The following RGR variants were observed in gnomAD, a reference collection of about 807,000 sequenced individuals.
RGR encodes RPE-retinal G protein-coupled receptor.
In RGR, 30 loss-of-function variants were observed where a neutral mutation model predicts 28.6. The observed-to-expected ratio is 1.05, with a 90% CI of 0.78 to 1.42. The LOEUF (loss-of-function observed/expected upper bound fraction) is 1.42. Ranked by LOEUF, RGR falls within the 40% of genes most tolerant of loss-of-function variation. RGR has a pLI of 0.00. For synonymous variants in RGR, 180 were observed against 156.4 expected (o/e 1.15, Z -1.13); for missense variants, 404 against 375.6 (o/e 1.08, Z -0.62).
At chr10:84,250,523 C>T (rs1589331767) in intron 3 of RGR, 2 of 360,244 alleles carry the variant, frequency 5.6e-6, no homozygotes, top group Admixed American at 3.9e-5. Context: ...CTTATACACA[C>T]ACACACACAC....
intron 3 of RGR, among the ~76,000 whole-genome samples, 180 bp from the exon 4 acceptor site, chr10:84,252,677 A>G (rs1842833432): frequency 6.6e-6 from 1 of 152,152 alleles, no homozygotes; most frequent in Non-Finnish European, 1.5e-5. Flanking sequence ...TAACACAGGG[A>G]TAAGAAAACC....
At chr10:84,256,382 G>A (rs549590248) in intron 5 of RGR, among the ~76,000 whole-genome samples, 4 of 151,850 alleles carry the variant, frequency 2.6e-5, no homozygotes, top group Admixed American at 6.6e-5. Flanking sequence ...CCTGTGTCGC[G>A]GACTAAAAAA....
At chr10:84,258,348 G>A (rs1176684752) in intron 6 of RGR, among the ~76,000 whole-genome samples, 160 bp from the exon 7 acceptor site, 4 of 152,162 alleles carry the variant, frequency 2.6e-5, no homozygotes, top group South Asian at 4.1e-4. Flanking sequence ...CATGGACTCC[G>A]TGAGCCATGC....
At chr10:84,251,184 G>A (rs1419060938) in intron 3 of RGR, among the ~76,000 whole-genome samples, 6 of 152,046 alleles carry the variant, frequency 3.9e-5, no homozygotes, top group African/African-American at 1.2e-4. Context: ...GCAGTGAGCC[G>A]AGATCACGCC....
chr10:84,245,550 G>C (rs926800038), intron 1 of RGR, among the ~76,000 whole-genome samples: 4 of 152,152 alleles, frequency 2.6e-5, no homozygotes, highest in Non-Finnish European at 1.5e-5. Context: ...CCCCCAAAAG[G>C]CTCTGGGGAC....
chr10:84,250,645 C>T, intron 3 of RGR: 1 of 580,386 alleles, frequency 1.7e-6, no homozygotes, highest in Non-Finnish European at 3.1e-6. Context: ...CCTTTCTATA[C>T]TGAGAGCATG....
rs1358313701 is a variant in RGR, at chr10:84,259,065, T to C, written c.*426T>C. ...CCTTCTGAGTCTCCAATGTCTATTA[T>C]TCCACACTCCATGTCCACGTGTACA... On this transcript the variant is annotated 3_prime_UTR_variant, in exon 7 of 7. Transcript: ENST00000652092. The C allele has an allele frequency of 3.3e-5, 9 of 269,272 alleles. No individual in the cohort carries two copies. In the Admixed American group the frequency reaches 4.3e-4, roughly 13 times the overall value. The allele number at this position is 269,272 out of a possible 1,614,324, so 16.7% of individuals were successfully genotyped here. A position where few individuals can be genotyped will look rare whatever the true frequency, so the allele number is the denominator to read the frequency against.
chr10:84,248,146 C>A, intron 2 of RGR: 1 of 912,398 alleles, frequency 1.1e-6, no homozygotes, highest in Non-Finnish European at 1.5e-6. Flanking sequence ...TGCTTGATAC[C>A]TAGGACTCTA....
rs777356666 is a variant in RGR at position 84,254,354 on chromosome 10, TCCTTCTTCAACTTCGCCATGC to T, written c.544_564del (p.Phe182_Pro188del). 3 of 1,614,040 alleles carry T rather than the reference TCCTTCTTCAACTTCGCCATGC, an allele frequency of 1.9e-6. No homozygotes were observed. The highest frequency in any genetic ancestry group is 1.7e-6 in the Non-Finnish European group (2 of 1,180,012). On this transcript the variant is annotated inframe_deletion, in exon 5 of 7. Transcript: ENST00000652092. ...CTTCACCAGCTTCCTCTTCACCATG[TCCTTCTTCAACTTCGCCATGC>T]CCCTCTTCATCACGATCACTTCCTA...
In RGR at chr10:84,258,009, A is replaced by G. The variant is rs986062359; in HGVS notation, c.744+3A>G. 3.1e-6 allele frequency: 5 copies of G among 1,611,678 alleles called. No homozygotes were observed. Among genetic ancestry groups the G allele is most frequent in the Non-Finnish European group, 3.4e-6 (4 of 1,177,910 alleles). On this transcript the variant is annotated splice_donor_region_variant and intron_variant, in intron 6 of 6. Transcript: ENST00000652092. ...CCATCTCCCCCAAACTGCAGATGGT[A>G]CAGATACTTCTAGTACCTAAAACTA...
At position 84,250,554 on chromosome 10, in the gene RGR, A is replaced by ACACACACACACC. The variant is rs1491056369; in HGVS notation, c.358+1512_358+1513insACACACACACCC. 12 of 603,040 alleles carry ACACACACACACC rather than the reference A, an allele frequency of 2.0e-5. No homozygotes were observed. In the East Asian group the frequency reaches 3.4e-4, roughly 17 times the overall value. 37.4% of individuals were successfully genotyped at this position (603,040 alleles called of 1,614,324 possible). On this transcript the variant is annotated intron_variant, in intron 3 of 6. Coordinates refer to ENST00000652092, the MANE Select transcript of RGR (RefSeq NM_001012720.2). Reference sequence around the variant, plus strand: ...CACACACACACACACACACACACACACCACCTTCTCAGATAGCAACAGGCT... The same window carrying ACACACACACACC: ...CACACACACACACACACACACACACACACACACACACCCCACCTTCTCAGATAGCAACAGGCT...
intron 3 of RGR, among the ~76,000 whole-genome samples, chr10:84,252,462 A>G (rs1278009083): frequency 6.6e-6 from 1 of 152,166 alleles, no homozygotes; most frequent in African/African-American, 2.4e-5. Flanking sequence ...GTCTATTTGG[A>G]GACCTTCACC....
Position 84,253,046 on chromosome 10 carries a change from A to G in RGR, c.512+36A>G, listed in dbSNP as rs765805515. 4 of 1,606,052 alleles carry G rather than the reference A, an allele frequency of 2.5e-6. No homozygotes were observed. In the African/African-American group the frequency reaches 5.4e-5, roughly 21 times the overall value. ...AGGAGCAGCTTCGAGGCTCCTATCC[A>G]TGGGAATCTTGGCTTTGAACTCCTA... On this transcript the variant is annotated intron_variant, in intron 4 of 6. Transcript: ENST00000652092.
intron 1 of RGR, 65 bp from the exon 2 acceptor site, chr10:84,247,526 A>C (rs1210492155): frequency 6.3e-7 from 1 of 1,592,108 alleles, no homozygotes; most frequent in Non-Finnish European, 8.6e-7. Context: ...TCCACCCCAC[A>C]CACACTGTTC....
chr10:84,249,698 C>T (rs529880917), intron 3 of RGR, among the ~76,000 whole-genome samples: 70 of 152,298 alleles, frequency 4.6e-4, no homozygotes, highest in Admixed American at 1.4e-3. Context: ...ACAGGCACTA[C>T]TCTGCAGACA....
intron 3 of RGR, chr10:84,250,321 T>C (rs1842799279): frequency 1.4e-6 from 1 of 716,922 alleles, no homozygotes; most frequent in African/African-American, 1.7e-5. Flanking sequence ...GTCACATGTA[T>C]AGCCCCCTTC....
chr10:84,256,176 C>T (rs1056648661), intron 5 of RGR, among the ~76,000 whole-genome samples: 3 of 142,056 alleles, frequency 2.1e-5, no homozygotes, highest in Non-Finnish European at 4.5e-5. Flanking sequence ...TCAAGCGATT[C>T]TCCTGCCTCA....
intron 4 of RGR, among the ~76,000 whole-genome samples, chr10:84,253,338 C>CA (rs1842843154): frequency 6.6e-6 from 1 of 152,182 alleles, no homozygotes; most frequent in South Asian, 2.1e-4. Context: ...TCAGCACAGT[C>CA]GACCATCATG....
chr10:84,254,418 A>C lies in RGR; in HGVS notation c.605A>C (p.Lys202Thr), dbSNP rs1213787158. 1 of 1,614,152 alleles carries C rather than the reference A, an allele frequency of 6.2e-7. No individual in the cohort carries two copies. Among genetic ancestry groups the C allele is most frequent in the Admixed American group, 1.7e-5 (1 of 60,020 alleles). Reference sequence around the variant, plus strand: ...ACTTCCTACAGTCTCATGGAGCAGAAACTGGGGAAGAGTGGCCATCTCCAG... The same window carrying C: ...ACTTCCTACAGTCTCATGGAGCAGACACTGGGGAAGAGTGGCCATCTCCAG... ...TITSYSLMEQ[K>T]LGKSGHLQVN... The change falls in exon 5 of 7, where the codon AAA becomes ACA. Residue 202 changes from lysine (K) to threonine (T), a missense_variant. Coordinates refer to ENST00000652092, the MANE Select transcript of RGR (RefSeq NM_001012720.2).
Sources: gnomAD v4.1 joint callset for allele counts (sites outside exome capture counted in the v4.1 genomes callset) on GRCh38, gnomAD v4.1.1 for gene constraint, MANE v1.5 for transcripts, NCBI Gene and HGNC (gene_info 2026-07-23, HGNC 2026-07-21) for gene names.